The following MYO9B variants were observed in gnomAD, a reference collection of about 807,000 sequenced individuals.
MYO9B encodes myosin IXB, also known as unconventional myosin-IXb.
Under a neutral mutation model 229.5 loss-of-function variants are expected in MYO9B, and 71 were observed. That is an observed-to-expected ratio of 0.31 (90% CI 0.26 to 0.38). The LOEUF is 0.38. Ranked by LOEUF, MYO9B falls within the 10% of genes least tolerant of loss-of-function variation. The pLI is 1.00. For missense variants in MYO9B, 2,255 were observed against 2,920.5 expected, an observed-to-expected ratio of 0.77 and a Z score of 5.25; for synonymous variants, 1,185 against 1,235.8, an observed-to-expected ratio of 0.96 and a Z score of 0.86.
At chr19:17,139,211 C>T (rs893974919) in intron 2 of MYO9B, among the ~76,000 whole-genome samples, 4 of 151,658 alleles carry the variant, frequency 2.6e-5, no homozygotes, top group Non-Finnish European at 5.9e-5. Flanking sequence ...TAACCCATTA[C>T]TTCTAGGCTA....
chr19:17,109,811 A>T (rs1054212584), intron 2 of MYO9B, among the ~76,000 whole-genome samples: 5 of 151,990 alleles, frequency 3.3e-5, no homozygotes, highest in African/African-American at 1.2e-4. Context: ...CTCTCATGGG[A>T]TCACCTCATC....
At chr19:17,118,136 C>T (rs2057924611) in intron 2 of MYO9B, among the ~76,000 whole-genome samples, 1 of 151,856 alleles carries the variant, frequency 6.6e-6, no homozygotes, top group Non-Finnish European at 1.5e-5. Flanking sequence ...GCTAAACACC[C>T]CACAGTGTAC....
At chr19:17,151,458 G>C (rs757243734) in intron 3 of MYO9B, among the ~76,000 whole-genome samples, 1 of 152,076 alleles carries the variant, frequency 6.6e-6, no homozygotes, top group African/African-American at 2.4e-5. Context: ...CAAAGGACTT[G>C]CATCTAGAAT....
At chr19:17,086,410 C>T (rs2057583852) in intron 1 of MYO9B, among the ~76,000 whole-genome samples, 1 of 152,222 alleles carries the variant, frequency 6.6e-6, no homozygotes, top group South Asian at 2.1e-4. Context: ...CAACCATTTG[C>T]CCTGAGCGCC....
intron 11 of MYO9B, among the ~76,000 whole-genome samples, chr19:17,170,136 G>T (rs767669896): frequency 1.3e-5 from 2 of 151,820 alleles, no homozygotes; most frequent in Admixed American, 1.3e-4. Flanking sequence ...GGCTCAAGCA[G>T]TCCTCTCACC....
rs2057747956 is a variant in MYO9B at position 17,101,868 on chromosome 19, G to A, written c.151G>A (p.Ala51Thr). 3.1e-6 allele frequency: 5 copies of A among 1,612,836 alleles called. No individual in the cohort carries two copies. Among genetic ancestry groups the A allele is most frequent in the African/African-American group, 1.3e-5 (1 of 74,898 alleles). The change falls in exon 2 of 40, where the codon GCC becomes ACC. Residue 51 changes from alanine (A) to threonine (T), a missense_variant. Physicochemically the swap from Ala to Thr is moderately conservative, Grantham distance 58. This residue lies in a region of MYO9B where 386 missense variants were observed against 515.2 expected (regional missense o/e 0.75). Coordinates refer to ENST00000682292, the MANE Select transcript of MYO9B (RefSeq NM_004145.4). This position sits in a 1 kb window ranked among gnomAD's most constrained non-coding sequence, Gnocchi z 4.7. The part of the protein sequence containing the change: ...DSTTSDVIKD[A>T]IASLRLDGTK... ...CACCACCTCGGACGTCATCAAGGAC[G>A]CCATTGCCAGCCTGCGGCTGGACGG...
intron 2 of MYO9B, among the ~76,000 whole-genome samples, chr19:17,126,214 C>T (rs1245935901): frequency 6.6e-6 from 1 of 152,174 alleles, no homozygotes; most frequent in Non-Finnish European, 1.5e-5. Context: ...CCCTCTGCTC[C>T]CAGCTCCCAG....
At chr19:17,100,884 C>T (rs1476281283) in intron 1 of MYO9B, among the ~76,000 whole-genome samples, 1 of 151,898 alleles carries the variant, frequency 6.6e-6, no homozygotes, top group Non-Finnish European at 1.5e-5. Context: ...TCCCAAATTT[C>T]AGGACAGGTT....
At chr19:17,078,468 A>G (rs2123415759) in intron 1 of MYO9B, among the ~76,000 whole-genome samples, 1 of 152,306 alleles carries the variant, frequency 6.6e-6, no homozygotes, top group Non-Finnish European at 1.5e-5. Context: ...TGAACCCAGG[A>G]GGCGGAGTTT....
At chr19:17,208,176 AATAT>A (rs972011557) in intron 35 of MYO9B, among the ~76,000 whole-genome samples, 1 of 145,730 alleles carries the variant, frequency 6.9e-6, no homozygotes, top group Non-Finnish European at 1.5e-5. Context: ...AAAAATAAAA[AATAT>A]ATATATAAAC....
At chr19:17,106,196 A>G (rs1330450950) in intron 2 of MYO9B, among the ~76,000 whole-genome samples, 1 of 152,136 alleles carries the variant, frequency 6.6e-6, no homozygotes, top group Non-Finnish European at 1.5e-5. Context: ...CAGTCTTACT[A>G]TGTTCTCCAG....
At position 17,192,762 on chromosome 19, in the gene MYO9B, C is replaced by T. The variant is rs200389704; in HGVS notation, c.2828C>T (p.Thr943Met). 1.8e-5 allele frequency: 28 copies of T among 1,547,228 alleles called. No individual in the cohort carries two copies. The highest frequency in any genetic ancestry group is 4.1e-5 in the African/African-American group (3 of 73,294). The change falls in exon 21 of 40, where the codon ACG becomes ATG. Residue 943 changes from threonine (T) to methionine (M), a missense_variant. Physicochemically the swap from Thr to Met is moderately conservative, Grantham distance 81. Transcript: ENST00000682292. ...IGKTKVFLKE[T>M]ERQALQETLH... ...GCCCACCAGGTCTTCCTGAAGGAGACGGAGCGGCAAGCCCTGCAGGAGACG... is the reference window on the plus strand; with the variant it reads ...GCCCACCAGGTCTTCCTGAAGGAGATGGAGCGGCAAGCCCTGCAGGAGACG...
chr19:17,090,756 C>T (rs893174245), intron 1 of MYO9B, among the ~76,000 whole-genome samples: 6 of 152,042 alleles, frequency 3.9e-5, no homozygotes, highest in African/African-American at 1.2e-4. Context: ...TGAGACAATT[C>T]GGTTTAAGGA....
At chr19:17,099,652 A>G (rs1378348067) in intron 1 of MYO9B, among the ~76,000 whole-genome samples, 1 of 151,904 alleles carries the variant, frequency 6.6e-6, no homozygotes, top group Non-Finnish European at 1.5e-5. Flanking sequence ...CATCTCTACT[A>G]AAAATACAAA....
Position 17,184,654 on chromosome 19 carries a change from C to T in MYO9B, c.2374-211C>T, listed in dbSNP as rs185079783. 964 of 541,600 alleles carry T rather than the reference C, an allele frequency of 1.8e-3. 2 individuals are homozygous for T. The highest frequency in any genetic ancestry group is 2.8e-3 in the Non-Finnish European group (856 of 310,430). The allele number at this position is 541,600 out of a possible 1,614,324, so 33.5% of individuals were successfully genotyped here. A position where few individuals can be genotyped will look rare whatever the true frequency, so the allele number is the denominator to read the frequency against. On this transcript the variant is annotated intron_variant, in intron 16 of 39. Coordinates refer to ENST00000682292, the MANE Select transcript of MYO9B (RefSeq NM_004145.4). Reference sequence around the variant, plus strand: ...TGTGAAAGAGGCTGTCATCAGCCCTCCCGGAACCAGCGCTGTGTGCAAGGT... The same window carrying T: ...TGTGAAAGAGGCTGTCATCAGCCCTTCCGGAACCAGCGCTGTGTGCAAGGT...
intron 2 of MYO9B, among the ~76,000 whole-genome samples, chr19:17,132,899 G>T (rs1366308805): frequency 6.7e-6 from 1 of 148,902 alleles, no homozygotes; most frequent in East Asian, 2.0e-4. Context: ...CCAGGCTGGA[G>T]TGCAGTGGCA....
At position 17,211,752 on chromosome 19, in the gene MYO9B, G is replaced by C; in HGVS notation, c.6036G>C (p.Arg2012=). 1 of 1,613,146 alleles carries C rather than the reference G, an allele frequency of 6.2e-7. No homozygotes were observed. Among genetic ancestry groups the C allele is most frequent in the Non-Finnish European group, 8.5e-7 (1 of 1,179,754 alleles). The change falls in exon 39 of 40, where the codon CGG becomes CGC. Residue 2012 remains arginine (R), a synonymous_variant. Coordinates refer to ENST00000682292, the MANE Select transcript of MYO9B (RefSeq NM_004145.4). ...SASTESLLEE[R]AGRGASEGPP... is the part of the protein sequence containing the mutation. ...GCACCGAGAGCCTGCTGGAGGAGCG[G>C]GCCGGGCGGGGGGCCTCGGAAGGTC...
At chr19:17,124,957 G>A (rs916180264) in intron 2 of MYO9B, among the ~76,000 whole-genome samples, 2 of 151,918 alleles carry the variant, frequency 1.3e-5, no homozygotes, top group African/African-American at 4.8e-5. Context: ...ATCTCAAGCT[G>A]AGAAAAAAGA....
At chr19:17,205,911 A>T (rs896410618) in intron 31 of MYO9B, 49 bp from the exon 32 acceptor site, 3 of 1,502,242 alleles carry the variant, frequency 2.0e-6, no homozygotes, top group Non-Finnish European at 2.7e-6. Flanking sequence ...AGACAGCTGG[A>T]GAGGAAGACA....
Sources: allele counts gnomAD v4.1 joint callset (sites outside exome capture counted in the v4.1 genomes callset), GRCh38; gene constraint gnomAD v4.1.1; regional missense constraint gnomAD v4.1.1; non-coding constraint Gnocchi (gnomAD v3.1); transcripts MANE v1.5; gene names NCBI Gene and HGNC (gene_info 2026-07-23, HGNC 2026-07-21).